Variants in THEMIS observed in about 807,000 individuals in gnomAD.
The protein encoded by THEMIS is protein THEMIS.
In THEMIS, 37 loss-of-function variants were observed where a neutral mutation model predicts 52.6. The observed-to-expected ratio is 0.70, with a 90% CI of 0.54 to 0.93. The LOEUF is 0.93. Ranked by LOEUF, THEMIS falls within the 40% of genes least tolerant of loss-of-function variation. THEMIS has a pLI of 0.00. For missense variants in THEMIS, 808 were observed against 763.1 expected (o/e 1.06, Z -0.69); for synonymous variants, 292 against 272.7 (o/e 1.07, Z -0.70).
intron 3 of THEMIS, among the ~76,000 whole-genome samples, chr6:127,821,799 T>A (rs1172365189): frequency 6.6e-6 from 1 of 152,028 alleles, no homozygotes; most frequent in Non-Finnish European, 1.5e-5. Context: ...TTTCCCTGGA[T>A]ATTTAATATT....
intron 4 of THEMIS, among the ~76,000 whole-genome samples, chr6:127,727,755 G>A (rs1188523527): frequency 4.6e-5 from 7 of 152,050 alleles, no homozygotes; most frequent in Admixed American, 3.9e-4. Flanking sequence ...TGCTACCAAA[G>A]TGTTGCTAAA....
At chr6:127,741,151 C>T (rs1393217800) in intron 4 of THEMIS, among the ~76,000 whole-genome samples, 2 of 152,164 alleles carry the variant, frequency 1.3e-5, no homozygotes, top group Non-Finnish European at 2.9e-5. Context: ...TTTATAGGCA[C>T]AGAAGCAGCA....
At chr6:127,850,598 AG>A (rs1779387697) in intron 2 of THEMIS, among the ~76,000 whole-genome samples, 1 of 151,930 alleles carries the variant, frequency 6.6e-6, no homozygotes, top group Admixed American at 6.6e-5. Context: ...ACTTGGATGG[AG>A]TTGGATGCAA....
chr6:127,795,775 T>G (rs1777312095), intron 4 of THEMIS, among the ~76,000 whole-genome samples: 1 of 152,228 alleles, frequency 6.6e-6, no homozygotes. Context: ...GTAATTGCAG[T>G]TCTTGACACT....
intron 3 of THEMIS, among the ~76,000 whole-genome samples, chr6:127,822,111 A>T (rs1778360739): frequency 6.6e-6 from 1 of 152,086 alleles, no homozygotes; most frequent in Non-Finnish European, 1.5e-5. Flanking sequence ...TCTCAAAAGT[A>T]TGAACTTCAT....
At chr6:127,733,284 T>A (rs1313906153) in intron 4 of THEMIS, among the ~76,000 whole-genome samples, 1 of 152,242 alleles carries the variant, frequency 6.6e-6, no homozygotes, top group African/African-American at 2.4e-5. Context: ...AATAGCTTCC[T>A]CTGCTTTGTA....
intron 4 of THEMIS, among the ~76,000 whole-genome samples, chr6:127,777,947 T>G (rs1776619785): frequency 6.6e-6 from 1 of 152,092 alleles, no homozygotes; most frequent in Non-Finnish European, 1.5e-5. Flanking sequence ...CTTTGCACAA[T>G]CAAGATTGTA....
chr6:127,851,055 C>A (rs770811363), intron 2 of THEMIS, among the ~76,000 whole-genome samples: 1 of 151,178 alleles, frequency 6.6e-6, no homozygotes, highest in Admixed American at 6.6e-5. Context: ...AAATAGATAA[C>A]GTAAATCAAA....
chr6:127,743,192 C>T (rs78088181), intron 4 of THEMIS, among the ~76,000 whole-genome samples: 2,638 of 152,074 alleles, frequency 0.017, 82 homozygotes, highest in African/African-American at 0.061. Context: ...CTGTCTTGTC[C>T]AGGTTAAAAT....
chr6:127,905,508 A>T (rs1374461906), upstream of THEMIS, among the ~76,000 whole-genome samples: 1 of 152,050 alleles, frequency 6.6e-6, no homozygotes, highest in Non-Finnish European at 1.5e-5. Flanking sequence ...GGTGTTCTGC[A>T]GGCGAAAGTA....
At chr6:127,789,190 G>T (rs1777077981) in intron 4 of THEMIS, among the ~76,000 whole-genome samples, 1 of 152,102 alleles carries the variant, frequency 6.6e-6, no homozygotes, top group African/African-American at 2.4e-5. Flanking sequence ...TGATAAAGGG[G>T]ATATCTCCAC....
intron 4 of THEMIS, among the ~76,000 whole-genome samples, chr6:127,744,087 C>T (rs533430783): frequency 6.6e-6 from 1 of 152,166 alleles, no homozygotes; most frequent in East Asian, 1.9e-4. Flanking sequence ...TGTTTATTGA[C>T]TGCACCAGGA....
intron 4 of THEMIS, among the ~76,000 whole-genome samples, chr6:127,763,023 G>A (rs1301433089): frequency 6.6e-6 from 1 of 151,906 alleles, no homozygotes; most frequent in African/African-American, 2.4e-5. Flanking sequence ...TTGGATTGGG[G>A]AAATGAAAGG....
intron 1 of THEMIS, among the ~76,000 whole-genome samples, chr6:127,890,939 T>C (rs1187713539): frequency 1.3e-5 from 2 of 152,046 alleles, no homozygotes; most frequent in Non-Finnish European, 2.9e-5. Flanking sequence ...AGGTTTTTGA[T>C]CAAATAAAGT....
intron 2 of THEMIS, among the ~76,000 whole-genome samples, chr6:127,839,839 A>G (rs1363135415): frequency 6.6e-6 from 1 of 152,028 alleles, no homozygotes; most frequent in Non-Finnish European, 1.5e-5. Flanking sequence ...CTACCTGACT[A>G]CAGGGCATCG....
At chr6:127,827,491 T>G (rs565103617) in intron 3 of THEMIS, among the ~76,000 whole-genome samples, 317 of 152,300 alleles carry the variant, frequency 2.1e-3, no homozygotes, top group Non-Finnish European at 3.7e-3. Flanking sequence ...ACTAAAACAT[T>G]TTGTAAACGG....
chr6:127,799,319 A>G (rs1777442546), intron 4 of THEMIS, among the ~76,000 whole-genome samples: 1 of 152,212 alleles, frequency 6.6e-6, no homozygotes, highest in Non-Finnish European at 1.5e-5. Flanking sequence ...TCCAGACAAG[A>G]AATGATGAAG....
intron 1 of THEMIS, among the ~76,000 whole-genome samples, chr6:127,879,014 T>C (rs1780397858): frequency 6.6e-6 from 1 of 152,190 alleles, no homozygotes; most frequent in Non-Finnish European, 1.5e-5. Flanking sequence ...CTTGTTTATA[T>C]CTTTGTGGAT....
chr6:127,706,147 A>G (rs1261070581), downstream of THEMIS, among the ~76,000 whole-genome samples: 1 of 152,126 alleles, frequency 6.6e-6, no homozygotes, highest in Non-Finnish European at 1.5e-5. Context: ...AACTCAAAGA[A>G]GAAAAGATGC....
Sources: gnomAD v4.1 joint callset for allele counts (sites outside exome capture counted in the v4.1 genomes callset) on GRCh38, gnomAD v4.1.1 for gene constraint, MANE v1.5 for transcripts, NCBI Gene and HGNC (gene_info 2026-07-23, HGNC 2026-07-21) for gene names.